The following NTM variants were observed in gnomAD, a reference collection of about 807,000 sequenced individuals.
NTM encodes the protein neurotrimin.
In NTM, 13 loss-of-function variants were observed where a neutral mutation model predicts 42.1. That is an observed-to-expected ratio of 0.31 (90% CI 0.20 to 0.49). NTM has a LOEUF of 0.49. Ranked by LOEUF, NTM falls within the 20% of genes least tolerant of loss-of-function variation. The pLI, the probability that NTM is intolerant of heterozygous loss-of-function variation, is 0.99. For synonymous variants in NTM, 187 were observed against 179.2 expected, an observed-to-expected ratio of 1.04 and a Z score of -0.35; for missense variants, 373 against 452.8, an observed-to-expected ratio of 0.82 and a Z score of 1.60.
intron 1 of NTM, among the ~76,000 whole-genome samples, chr11:131,625,967 C>A (rs866847683): frequency 6.6e-6 from 1 of 152,136 alleles, no homozygotes; most frequent in Non-Finnish European, 1.5e-5. Context: ...ACTGTACTTT[C>A]GAAGGGCATC....
chr11:131,785,541 A>G (rs2089000062), intron 1 of NTM, among the ~76,000 whole-genome samples: 1 of 152,210 alleles, frequency 6.6e-6, no homozygotes, highest in South Asian at 2.1e-4. Context: ...GGTTTTCTGA[A>G]AGAAAATATG....
chr11:132,031,086 G>C (rs199665698), intron 2 of NTM, among the ~76,000 whole-genome samples: 4 of 152,112 alleles, frequency 2.6e-5, no homozygotes, highest in African/African-American at 9.7e-5. Context: ...TACAAACATC[G>C]TGCAGGCCAA....
At chr11:131,811,409 A>G (rs1459328889) in intron 1 of NTM, among the ~76,000 whole-genome samples, 1 of 152,196 alleles carries the variant, frequency 6.6e-6, no homozygotes, top group African/African-American at 2.4e-5. Flanking sequence ...TGCACATCCC[A>G]CTGACCACTA....
intron 1 of NTM, chr11:131,771,078 G>A (rs542170569): frequency 2.0e-4 from 30 of 152,074 alleles, no homozygotes; most frequent in African/African-American, 7.2e-4. Flanking sequence ...CTCTCAGAAT[G>A]AGCTGTAAAA....
chr11:131,564,430 A>C (rs377048789), intron 1 of NTM, among the ~76,000 whole-genome samples: 1 of 142,704 alleles, frequency 7.0e-6, no homozygotes, highest in East Asian at 2.0e-4. Flanking sequence ...TAGTAGAGGG[A>C]TAGGGTGGGT....
intron 3 of NTM, among the ~76,000 whole-genome samples, chr11:132,198,547 A>G (rs186458111): frequency 7.2e-5 from 11 of 152,312 alleles, no homozygotes; most frequent in African/African-American, 2.4e-4. Context: ...AAAAGTGGCC[A>G]AAATGATAAA....
intron 2 of NTM, among the ~76,000 whole-genome samples, chr11:131,958,691 C>T (rs139740216): frequency 1.3e-5 from 2 of 152,242 alleles, no homozygotes; most frequent in African/African-American, 4.8e-5. Context: ...GAAGTTTGGC[C>T]TCCCACAAAC....
intron 1 of NTM, among the ~76,000 whole-genome samples, chr11:131,597,613 AC>A (rs1315418006): frequency 6.6e-6 from 1 of 152,100 alleles, no homozygotes; most frequent in Non-Finnish European, 1.5e-5. Flanking sequence ...GGAAGGAGGG[AC>A]CTTTGAGGGC....
At chr11:131,456,456 C>T (rs769658883) in intron 1 of NTM, among the ~76,000 whole-genome samples, 1 of 152,260 alleles carries the variant, frequency 6.6e-6, no homozygotes, top group East Asian at 1.9e-4. Flanking sequence ...GCCCTCCCTC[C>T]TTCGTTCTCA....
At chr11:132,051,933 C>G (rs562697745) in intron 2 of NTM, among the ~76,000 whole-genome samples, 1 of 152,098 alleles carries the variant, frequency 6.6e-6, no homozygotes, top group Non-Finnish European at 1.5e-5. Context: ...CCCAGACTGA[C>G]CAGTGAGCTC....
chr11:131,469,087 T>C (rs1952170510), intron 1 of NTM, among the ~76,000 whole-genome samples: 1 of 152,244 alleles, frequency 6.6e-6, no homozygotes, highest in African/African-American at 2.4e-5. Flanking sequence ...AGCTGGCTGC[T>C]GCTCTCTGTT....
At chr11:132,028,741 G>A (rs1054624972) in intron 2 of NTM, among the ~76,000 whole-genome samples, 1 of 152,130 alleles carries the variant, frequency 6.6e-6, no homozygotes, top group Admixed American at 6.5e-5. Context: ...GCATCATTAG[G>A]CTCTGGTAAT....
At chr11:131,375,943 A>G (rs1267521660) in intron 1 of NTM, among the ~76,000 whole-genome samples, 1 of 150,320 alleles carries the variant, frequency 6.7e-6, no homozygotes, top group Non-Finnish European at 1.5e-5. Flanking sequence ...CCTTCTGCCC[A>G]CTCCCCCTAC....
At chr11:131,874,030 AATATATATATATAT>A (rs59083400) in intron 1 of NTM, among the ~76,000 whole-genome samples, 1,350 of 76,638 alleles carry the variant, frequency 0.018, 55 homozygotes, top group African/African-American at 0.044. Flanking sequence ...AATATAATAT[AATATATATATATAT>A]ATATATATAT....
At chr11:131,856,657 G>A (rs1448663709) in intron 1 of NTM, among the ~76,000 whole-genome samples, 2 of 152,166 alleles carry the variant, frequency 1.3e-5, no homozygotes, top group African/African-American at 4.8e-5. Context: ...ACTAGTTTAT[G>A]TAATACCAGC....
At chr11:131,958,396 T>C (rs2134458941) in intron 2 of NTM, among the ~76,000 whole-genome samples, 1 of 152,178 alleles carries the variant, frequency 6.6e-6, no homozygotes, top group Non-Finnish European at 1.5e-5. Flanking sequence ...AAGCCAAAAC[T>C]TCAGATAGTA....
Position 132,047,386 on chromosome 11 carries a change from T to C in NTM, c.168-98896T>C, listed in dbSNP as rs369896959. Among the ~76,000 whole-genome samples the C allele has an allele frequency of 4.9e-4, 74 of 152,390 alleles. 1 individual carries two copies. The South Asian group carries it at 0.015, about 31-fold the overall frequency. ...AGTCTTTCAGTGTTGAGGTCAAATTTCAAGCAAAGGCTCCAGGCCAGCCTG... is the reference window on the plus strand; with the variant it reads ...AGTCTTTCAGTGTTGAGGTCAAATTCCAAGCAAAGGCTCCAGGCCAGCCTG... On this transcript the variant is annotated intron_variant, in intron 2 of 8. Transcript: ENST00000683400.
At chr11:131,542,541 C>T (rs897196247) in intron 1 of NTM, among the ~76,000 whole-genome samples, 2 of 152,148 alleles carry the variant, frequency 1.3e-5, no homozygotes, top group African/African-American at 2.4e-5. Context: ...TTCTGTGAAA[C>T]CTTATGCTGC....
intron 1 of NTM, among the ~76,000 whole-genome samples, chr11:131,396,647 A>T (rs113512215): frequency 7.1e-4 from 108 of 152,218 alleles, no homozygotes; most frequent in African/African-American, 2.5e-3. Context: ...CAACCGGGCT[A>T]AGATGGTGAA....
Sources: allele counts gnomAD v4.1 joint callset (sites outside exome capture counted in the v4.1 genomes callset), GRCh38; gene constraint gnomAD v4.1.1; transcripts MANE v1.5; gene names NCBI Gene and HGNC (gene_info 2026-07-23, HGNC 2026-07-21).